WWOX: variants seen among roughly 807,000 people sequenced by gnomAD.
WWOX encodes WW domain containing oxidoreductase, also known as WW domain-containing oxidoreductase.
WWOX carries 69 observed loss-of-function variants against 46.2 expected under a neutral mutation model. That is an observed-to-expected ratio of 1.49 (90% CI 1.23 to 1.82). The LOEUF is 1.82. Among genes scored for constraint, WWOX ranks in the 40% most tolerant of loss-of-function variants. The probability of loss-of-function intolerance (pLI) is 0.00; values close to 1 mark genes in which losing one functional copy is unlikely to be tolerated. For synonymous variants in WWOX, 359 were observed against 202.6 expected (o/e 1.77, Z -6.56); for missense variants, 919 against 542.6 (o/e 1.69, Z -6.89).
At chr16:78,792,065 C>A (rs1284345288) in intron 8 of WWOX, among the ~76,000 whole-genome samples, 2 of 152,114 alleles carry the variant, frequency 1.3e-5, no homozygotes, top group East Asian at 1.9e-4. Context: ...TTAGCCCTGT[C>A]CCTGGTGCGG....
Position 78,819,296 on chromosome 16 carries a change from A to G in WWOX, c.1056+386544A>G, listed in dbSNP as rs4441290. The stretch of plus-strand genomic sequence containing the variant: ...GGAGGCAAGACTCAACTCCATAGAC[A>G]GGGCTTACACACCGGACCAAATTGA... On this transcript the variant is annotated intron_variant, in intron 8 of 8. Coordinates refer to ENST00000566780, the MANE Select transcript of WWOX (RefSeq NM_016373.4). Among the ~76,000 whole-genome samples the G allele has an allele frequency of 1.8e-3, 269 of 152,266 alleles. 6 individuals carry two copies. In the East Asian group the frequency reaches 0.033, roughly 19 times the overall value.
chr16:78,919,423 C>T (rs961241033), intron 8 of WWOX, among the ~76,000 whole-genome samples: 3 of 152,068 alleles, frequency 2.0e-5, no homozygotes, highest in East Asian at 1.9e-4. Flanking sequence ...ACAGGATCAC[C>T]ATTGGTAGAT....
At chr16:78,804,669 C>A (rs1349562745) in intron 8 of WWOX, among the ~76,000 whole-genome samples, 1 of 152,202 alleles carries the variant, frequency 6.6e-6, no homozygotes, top group African/African-American at 2.4e-5. Context: ...ATAAATTTAA[C>A]TATCACTTTC....
intron 5 of WWOX, among the ~76,000 whole-genome samples, chr16:78,374,333 T>C (rs367896529): frequency 6.6e-6 from 1 of 152,126 alleles, no homozygotes; most frequent in South Asian, 2.1e-4. Context: ...ATGCATGATT[T>C]AATGGATCAG....
At chr16:78,567,552 C>CAAAAAAAAAAAA (rs71272440) in intron 8 of WWOX, among the ~76,000 whole-genome samples, 7 of 52,130 alleles carry the variant, frequency 1.3e-4, no homozygotes, top group East Asian at 7.0e-4. Context: ...GACTCCGTCT[C>CAAAAAAAAAAAA]AAAAAAAAAA....
chr16:79,074,409 C>CTTTTTTTTTTTTTTTTGT (rs2048612505), intron 8 of WWOX, among the ~76,000 whole-genome samples: 1 of 30,974 alleles, frequency 3.2e-5, no homozygotes, highest in Non-Finnish European at 5.5e-5. Flanking sequence ...GTCACTAGTC[C>CTTTTTTTTTTTTTTTTGT]TTTTTTTTTT....
chr16:78,779,505 G>A (rs1015382797), intron 8 of WWOX, among the ~76,000 whole-genome samples: 1 of 152,118 alleles, frequency 6.6e-6, no homozygotes, highest in Admixed American at 6.5e-5. Flanking sequence ...GCAGAGGATT[G>A]CTGACATTAT....
chr16:78,543,911 C>G (rs1007210033), intron 8 of WWOX, among the ~76,000 whole-genome samples: 1 of 152,102 alleles, frequency 6.6e-6, no homozygotes, highest in Non-Finnish European at 1.5e-5. Flanking sequence ...CATCAATAAA[C>G]TAACATCTCA....
intron 8 of WWOX, among the ~76,000 whole-genome samples, chr16:79,068,216 C>T (rs17726834): frequency 0.091 from 13,817 of 152,162 alleles, 698 homozygotes; most frequent in Middle Eastern, 0.13. Context: ...ATAGTAGCAA[C>T]GGTAACTAAT....
At chr16:78,735,717 C>A (rs1452460710) in intron 8 of WWOX, among the ~76,000 whole-genome samples, 1 of 152,162 alleles carries the variant, frequency 6.6e-6, no homozygotes, top group East Asian at 1.9e-4. Flanking sequence ...AGTACTAGTT[C>A]TATGTCAATG....
At chr16:78,889,428 A>G (rs978432312) in intron 8 of WWOX, among the ~76,000 whole-genome samples, 4 of 141,926 alleles carry the variant, frequency 2.8e-5, no homozygotes, top group African/African-American at 1.1e-4. Context: ...GTCTGCAATG[A>G]AACGCGAGCC....
chr16:78,777,102 G>A (rs1313281039), intron 8 of WWOX, among the ~76,000 whole-genome samples: 2 of 152,234 alleles, frequency 1.3e-5, no homozygotes, highest in Admixed American at 6.5e-5. Context: ...GGTCAGAAAA[G>A]TTTCAGTGAT....
At chr16:78,361,441 C>G (rs149927905) in intron 5 of WWOX, among the ~76,000 whole-genome samples, 20 of 152,168 alleles carry the variant, frequency 1.3e-4, no homozygotes, top group African/African-American at 4.3e-4. Context: ...GCTGGCAGCC[C>G]CGTTTTCCTT....
intron 5 of WWOX, among the ~76,000 whole-genome samples, chr16:78,386,557 A>AG (rs1223709207): frequency 1.3e-5 from 2 of 152,074 alleles, no homozygotes; most frequent in Non-Finnish European, 2.9e-5. Context: ...GCAGATTGAG[A>AG]GGAGATAACG....
chr16:78,419,734 G>C (rs565724095), intron 6 of WWOX, among the ~76,000 whole-genome samples: 1 of 149,236 alleles, frequency 6.7e-6, no homozygotes, highest in East Asian at 2.0e-4. Flanking sequence ...TTTTGGCTTA[G>C]ACAATGATTT....
At chr16:78,565,228 A>C (rs555398063) in intron 8 of WWOX, among the ~76,000 whole-genome samples, 1 of 152,346 alleles carries the variant, frequency 6.6e-6, no homozygotes, top group Non-Finnish European at 1.5e-5. Context: ...GTTATAAACA[A>C]ATTACCAAAA....
chr16:78,725,523 T>C (rs923184558), intron 8 of WWOX, among the ~76,000 whole-genome samples: 2 of 151,528 alleles, frequency 1.3e-5, no homozygotes, highest in African/African-American at 4.9e-5. Context: ...AATTTTGTAT[T>C]TTTAGTAGAA....
At chr16:78,661,751 A>G (rs1245902079) in intron 8 of WWOX, among the ~76,000 whole-genome samples, 2 of 152,166 alleles carry the variant, frequency 1.3e-5, no homozygotes, top group Non-Finnish European at 2.9e-5. Context: ...AATAGTAGTT[A>G]ATAGACTGGG....
intron 8 of WWOX, among the ~76,000 whole-genome samples, chr16:78,481,649 A>C (rs2084489390): frequency 1.4e-5 from 2 of 147,104 alleles, no homozygotes; most frequent in Admixed American, 1.3e-4. Context: ...AAAAAAAAGA[A>C]TGTTTTCCCA....
Sources: allele counts gnomAD v4.1 joint callset (sites outside exome capture counted in the v4.1 genomes callset), GRCh38; gene constraint gnomAD v4.1.1; transcripts MANE v1.5; gene names NCBI Gene and HGNC (gene_info 2026-07-23, HGNC 2026-07-21).